Variants in MACROD2 observed in about 807,000 individuals in gnomAD.
MACROD2 encodes the protein ADP-ribose glycohydrolase MACROD2.
MACROD2 carries 36 observed loss-of-function variants against 70.4 expected under a neutral mutation model. That is an observed-to-expected ratio of 0.51 (90% CI 0.39 to 0.68). The LOEUF (loss-of-function observed/expected upper bound fraction) is 0.68. Among genes scored for constraint, MACROD2 ranks in the 30% least tolerant of loss-of-function variants. The pLI, the probability that MACROD2 is intolerant of heterozygous loss-of-function variation, is 0.00. For missense variants in MACROD2, 496 were observed against 538.4 expected (o/e 0.92, Z 0.78); for synonymous variants, 172 against 178.8 (o/e 0.96, Z 0.30).
intron 2 of MACROD2, among the ~76,000 whole-genome samples, chr20:14,018,723 A>C (rs548381861): frequency 6.6e-6 from 1 of 152,284 alleles, no homozygotes; most frequent in African/African-American, 2.4e-5. Flanking sequence ...TTTCTTCTAA[A>C]GATGATTGTT....
At chr20:15,320,159 T>A (rs6034155) in intron 6 of MACROD2, among the ~76,000 whole-genome samples, 27,671 of 151,902 alleles carry the variant, frequency 0.18, 2,549 homozygotes, top group Middle Eastern at 0.27. Context: ...AGCCAAGATT[T>A]TGCCACTGCA....
At position 14,858,336 on chromosome 20, in the gene MACROD2, T is replaced by C. The variant is rs976345748; in HGVS notation, c.418+173377T>C. ...GATGAGACAAGCCGGCAGTGACCTG[T>C]TGAGCCCTTGGACCCCAGAATTTCT... On this transcript the variant is annotated intron_variant, in intron 5 of 17. Coordinates refer to ENST00000684519, the MANE Select transcript of MACROD2 (RefSeq NM_001351661.2). Among the ~76,000 whole-genome samples the C allele has an allele frequency of 7.2e-5, 11 of 152,168 alleles. No homozygotes were observed. The South Asian group carries it at 1.0e-3, about 14-fold the overall frequency.
chr20:14,254,057 AG>A (rs2082033224), intron 3 of MACROD2, among the ~76,000 whole-genome samples: 1 of 152,174 alleles, frequency 6.6e-6, no homozygotes, highest in African/African-American at 2.4e-5. Context: ...CATTAAAAAA[AG>A]ATAGATATGC....
At chr20:15,530,716 CAAA>C (rs57826871) in intron 8 of MACROD2, among the ~76,000 whole-genome samples, 3 of 90,584 alleles carry the variant, frequency 3.3e-5, no homozygotes, top group Admixed American at 1.2e-4. Context: ...CTCCATCTCA[CAAA>C]AAAAAAAAAA....
intron 3 of MACROD2, among the ~76,000 whole-genome samples, chr20:14,152,660 C>T (rs536203692): frequency 6.6e-6 from 1 of 152,272 alleles, no homozygotes; most frequent in Admixed American, 6.5e-5. Flanking sequence ...CTCCTGACAT[C>T]AGGTGATCCA....
chr20:15,556,869 A>G (rs532360792), intron 8 of MACROD2, among the ~76,000 whole-genome samples: 2 of 152,300 alleles, frequency 1.3e-5, no homozygotes, highest in African/African-American at 4.8e-5. Flanking sequence ...ACTTCAGTGT[A>G]AGATTGATGT....
intron 5 of MACROD2, among the ~76,000 whole-genome samples, chr20:14,728,093 A>G (rs1334827936): frequency 7.2e-5 from 11 of 152,148 alleles, no homozygotes; most frequent in Admixed American, 5.2e-4. Flanking sequence ...TCAAGCTCCT[A>G]TGTCCTGAAA....
intron 3 of MACROD2, among the ~76,000 whole-genome samples, chr20:14,307,796 A>G (rs2122507808): frequency 6.6e-6 from 1 of 152,200 alleles, no homozygotes; most frequent in South Asian, 2.1e-4. Flanking sequence ...GTAAATTATT[A>G]TTTGCCTCCT....
At chr20:15,809,383 A>G (rs1317654024) in intron 8 of MACROD2, among the ~76,000 whole-genome samples, 4 of 152,172 alleles carry the variant, frequency 2.6e-5, no homozygotes. Context: ...TGAGTAATTT[A>G]CAAAGAAAAG....
chr20:14,168,085 A>G (rs552835025), intron 3 of MACROD2, among the ~76,000 whole-genome samples: 13 of 152,230 alleles, frequency 8.5e-5, no homozygotes, highest in African/African-American at 3.1e-4. Flanking sequence ...CTATTAAGAT[A>G]TTAAGCTTAT....
intron 3 of MACROD2, among the ~76,000 whole-genome samples, chr20:14,402,416 T>A (rs1280319272): frequency 6.6e-6 from 1 of 152,168 alleles, no homozygotes; most frequent in African/African-American, 2.4e-5. Context: ...GCTCTAAATA[T>A]TCTAGCTTGG....
At position 15,146,832 on chromosome 20, in the gene MACROD2, T is replaced by C. The variant is rs141370298; in HGVS notation, c.419-83108T>C. 6.6e-5 allele frequency among the ~76,000 whole-genome samples: 10 copies of C among 152,280 alleles called. No individual in the cohort carries two copies. In the East Asian group the frequency reaches 1.5e-3, roughly 24 times the overall value. ...TTCTGAGATGCCAATTTCATGAATT[T>C]GTCTTTGAGAAGACAAGCAAAAAGT... On this transcript the variant is annotated intron_variant, in intron 5 of 17. Coordinates refer to ENST00000684519, the MANE Select transcript of MACROD2 (RefSeq NM_001351661.2).
chr20:15,602,615 C>G (rs1343643500), intron 8 of MACROD2, among the ~76,000 whole-genome samples: 1 of 152,136 alleles, frequency 6.6e-6, no homozygotes, highest in Non-Finnish European at 1.5e-5. Context: ...CTAAATAATA[C>G]TCTTTCCCTC....
At chr20:14,541,249 G>C (rs553439001) in intron 4 of MACROD2, among the ~76,000 whole-genome samples, 1 of 152,194 alleles carries the variant, frequency 6.6e-6, no homozygotes, top group African/African-American at 2.4e-5. Context: ...ATTTGCATTT[G>C]ATGACATACT....
At chr20:15,728,463 C>G (rs1185093502) in intron 8 of MACROD2, among the ~76,000 whole-genome samples, 1 of 151,986 alleles carries the variant, frequency 6.6e-6, no homozygotes, top group Non-Finnish European at 1.5e-5. Flanking sequence ...GGAGTAATTT[C>G]AATATGAATG....
intron 5 of MACROD2, among the ~76,000 whole-genome samples, chr20:14,845,486 A>T (rs2073130284): frequency 6.6e-6 from 1 of 152,072 alleles, no homozygotes; most frequent in Admixed American, 6.6e-5. Context: ...ACAAGCAGAT[A>T]TTTAATAATT....
intron 5 of MACROD2, among the ~76,000 whole-genome samples, chr20:14,853,861 A>C (rs916019854): frequency 6.6e-6 from 1 of 152,164 alleles, no homozygotes; most frequent in Non-Finnish European, 1.5e-5. Flanking sequence ...GAAAAGTAAC[A>C]AGAATTTAAT....
At chr20:15,648,348 A>G (rs911904271) in intron 8 of MACROD2, among the ~76,000 whole-genome samples, 1 of 152,198 alleles carries the variant, frequency 6.6e-6, no homozygotes, top group East Asian at 1.9e-4. Context: ...AATAAGTCCA[A>G]TACAGGACTC....
rs150732155 is a variant in MACROD2 at position 15,431,012 on chromosome 20, CAG to C, written c.541-391_541-390del. The stretch of plus-strand genomic sequence containing the variant: ...GTAGTATTTTACCATACACATACGA[CAG>C]ACACACATAATCTCAAGAGCATAGG... On this transcript the variant is annotated intron_variant, in intron 6 of 17. Coordinates refer to ENST00000684519, the MANE Select transcript of MACROD2 (RefSeq NM_001351661.2). 1.5e-3 allele frequency among the ~76,000 whole-genome samples: 226 copies of C among 152,088 alleles called. 2 individuals carry two copies. The highest frequency in any genetic ancestry group is 3.1e-3 in the East Asian group (16 of 5,176).
Sources: gnomAD v4.1 joint callset for allele counts (sites outside exome capture counted in the v4.1 genomes callset) on GRCh38, gnomAD v4.1.1 for gene constraint, MANE v1.5 for transcripts, NCBI Gene and HGNC (gene_info 2026-07-23, HGNC 2026-07-21) for gene names.